The following UTP25 variants were observed in gnomAD, a reference collection of about 807,000 sequenced individuals.
The protein encoded by UTP25 is UTP25 small subunit processome component.
A neutral mutation model predicts 78.9 loss-of-function variants in UTP25; 50 were observed. That is an observed-to-expected ratio of 0.63 (90% CI 0.50 to 0.80). The LOEUF (loss-of-function observed/expected upper bound fraction) is 0.80. Among genes scored for constraint, UTP25 ranks in the 30% least tolerant of loss-of-function variants. The probability of loss-of-function intolerance (pLI) is 0.00; values close to 1 mark genes in which losing one functional copy is unlikely to be tolerated. For missense variants in UTP25, 846 were observed against 911.3 expected (o/e 0.93, Z 0.92); for synonymous variants, 329 against 336.5 (o/e 0.98, Z 0.24).
At chr1:209,842,907 A>G (rs2078175750) in intron 10 of UTP25, 2 of 572,408 alleles carry the variant, frequency 3.5e-6, no homozygotes, top group Middle Eastern at 4.7e-4. Flanking sequence ...AGTTAGTAGC[A>G]GGGTTATTAC....
chr1:209,842,190 C>A, intron 8 of UTP25, 75 bp from the exon 9 acceptor site: 1 of 1,465,512 alleles, frequency 6.8e-7, no homozygotes. Context: ...TTGATAGACT[C>A]GGAAAATGTT....
chr1:209,830,065 A>G, intron 1 of UTP25, 43 bp from the exon 2 acceptor site: 6 of 1,565,986 alleles, frequency 3.8e-6, no homozygotes, highest in South Asian at 1.2e-5. Flanking sequence ...CCTAATTTCT[A>G]CATACTAGTA....
chr1:209,828,316 C>A (rs1322011450), intron 1 of UTP25, 146 bp downstream of exon 1: 3 of 649,720 alleles, frequency 4.6e-6, no homozygotes, highest in Non-Finnish European at 7.9e-6. Flanking sequence ...CTGGCGCCAT[C>A]CCGCCGGGAG....
Position 209,843,612 on chromosome 1 carries a change from C to T in UTP25, c.1943C>T (p.Ser648Phe). ...CACATCTGCGAGTACACGCAGAAGT[C>T]TGGTGTCTCCAGGGCCAGACACTTC... ...FTHICEYTQKSGVSRARHFFL... is the reference protein window; with the variant it reads ...FTHICEYTQKFGVSRARHFFL... The change falls in exon 11 of 12, where the codon TCT (serine) becomes TTT (phenylalanine). Residue 648 changes from serine (S) to phenylalanine (F), a missense_variant. By Grantham distance (155) the Ser-to-Phe change is radical. Transcript: ENST00000491415. 2.5e-6 allele frequency: 4 copies of T among 1,614,130 alleles called. No homozygotes were observed. The highest frequency in any genetic ancestry group is 3.4e-6 in the Non-Finnish European group (4 of 1,179,988).
Position 209,857,290 on chromosome 1 carries a change from C to A in UTP25, c.*5843C>A, listed in dbSNP as rs976644928. The A allele has an allele frequency of 1.3e-5, 2 of 152,030 alleles. No homozygotes were observed. The highest frequency in any genetic ancestry group is 2.9e-5 in the Non-Finnish European group (2 of 68,002). 9.4% of individuals were successfully genotyped at this position (152,030 alleles called of 1,614,324 possible). ...CTATTGGAATACATCTACCATGTCTCCTATGAAACTTGCTTCTCCAGGCCA... is the reference window on the plus strand; with the variant it reads ...CTATTGGAATACATCTACCATGTCTACTATGAAACTTGCTTCTCCAGGCCA... On this transcript the variant is annotated 3_prime_UTR_variant, in exon 12 of 12. Coordinates refer to ENST00000491415, the MANE Select transcript of UTP25 (RefSeq NM_014388.7).
rs766131499 is a variant in UTP25 at position 209,856,516 on chromosome 1, G to T, written c.*5069G>T. 2.6e-5 allele frequency: 4 copies of T among 152,250 alleles called. No homozygotes were observed. The highest frequency in any genetic ancestry group is 5.9e-5 in the Non-Finnish European group (4 of 68,052). The allele number at this position is 152,250 out of a possible 1,614,324, so 9.4% of individuals were successfully genotyped here. Reference sequence around the variant, plus strand: ...TGTACGTAGGAGAGTGGTGAAGAAAGGAGCTTGGTTCTGCAAGGATGTTGT... The same window carrying T: ...TGTACGTAGGAGAGTGGTGAAGAAATGAGCTTGGTTCTGCAAGGATGTTGT... On this transcript the variant is annotated 3_prime_UTR_variant, in exon 12 of 12. Transcript: ENST00000491415.
At position 209,855,354 on chromosome 1, in the gene UTP25, G is replaced by A. The variant is rs561757753; in HGVS notation, c.*3907G>A. 1 of 152,300 alleles carries A rather than the reference G, an allele frequency of 6.6e-6. No individual in the cohort carries two copies. The highest frequency in any genetic ancestry group is 2.1e-4 in the South Asian group (1 of 4,820). The allele number at this position is 152,300 out of a possible 1,614,324, so 9.4% of individuals were successfully genotyped here. On this transcript the variant is annotated 3_prime_UTR_variant, in exon 12 of 12. Coordinates refer to ENST00000491415, the MANE Select transcript of UTP25 (RefSeq NM_014388.7). The stretch of plus-strand genomic sequence containing the variant: ...GTTGCCGCCTCCACTTGCATTACAT[G>A]TATTTCAGAGTAGGTCCTAGGCTCC...
At chr1:209,836,463 T>C (rs1157376150) in intron 5 of UTP25, among the ~76,000 whole-genome samples, 2 of 152,220 alleles carry the variant, frequency 1.3e-5, no homozygotes, top group Non-Finnish European at 2.9e-5. Flanking sequence ...AACCCCTTTG[T>C]TTCTAGAATG....
At chr1:209,831,115 T>C in intron 3 of UTP25, 72 bp downstream of exon 3, 1 of 1,488,212 alleles carries the variant, frequency 6.7e-7, no homozygotes, top group Non-Finnish European at 9.2e-7. Flanking sequence ...GCATGGTACC[T>C]TATATACTGT....
chr1:209,847,103 G>A (rs1370856411), intron 11 of UTP25, among the ~76,000 whole-genome samples: 1 of 149,254 alleles, frequency 6.7e-6, no homozygotes, highest in South Asian at 2.1e-4. Context: ...TTTTTCCTTT[G>A]TCTTAGATGT....
At chr1:209,838,670 A>G in intron 6 of UTP25, 1 of 555,444 alleles carries the variant, frequency 1.8e-6, no homozygotes, top group African/African-American at 1.9e-5. Context: ...TCTGCTTGAG[A>G]AATGTCTCAC....
chr1:209,839,222 C>G, intron 7 of UTP25, 94 bp downstream of exon 7: 1 of 1,120,430 alleles, frequency 8.9e-7, no homozygotes, highest in Non-Finnish European at 1.3e-6. Context: ...CAGTGGATCA[C>G]TCACTGTGCC....
At chr1:209,841,837 G>A (rs898815435) in intron 8 of UTP25, among the ~76,000 whole-genome samples, 2 of 152,124 alleles carry the variant, frequency 1.3e-5, no homozygotes, top group African/African-American at 4.8e-5. Context: ...TGGCATAGTC[G>A]AGTTATATTC....
In UTP25 at chr1:209,837,107, A is replaced by C; in HGVS notation, c.958A>C (p.Lys320Gln). ...CCTGCATGTGATAAATCACATCCTC[A>C]AAGCCAATGCCCAGGTGCTTGGCAA... ...YCLHVINHIL[K>Q]ANAQVLGNNS... Residue 320 changes from lysine to glutamine, a missense_variant, in exon 6 of 12, where the codon AAA becomes CAA. Lys to Gln is a moderately conservative substitution (Grantham distance 53). Coordinates refer to ENST00000491415, the MANE Select transcript of UTP25 (RefSeq NM_014388.7). 6.2e-7 allele frequency: 1 copy of C among 1,614,178 alleles called. No homozygotes were observed. Among genetic ancestry groups the C allele is most frequent in the South Asian group, 1.1e-5 (1 of 91,078 alleles).
chr1:209,846,302 T>G lies in UTP25; in HGVS notation c.2027+2606T>G, dbSNP rs568908524. Among the ~76,000 whole-genome samples the G allele has an allele frequency of 2.6e-5, 4 of 152,340 alleles. No homozygotes were observed. In the East Asian group the frequency reaches 7.7e-4, roughly 29 times the overall value. On this transcript the variant is annotated intron_variant, in intron 11 of 11. Transcript: ENST00000491415. ...AAGATTTGTTTTATGTGGGGAAGAT[T>G]AAACTAGCAGAATCTTAGAATTGGA...
rs1309270570 is a variant in UTP25, at chr1:209,854,905, T to C, written c.*3458T>C. ...TCCCTCCGTCTAGCCATCCTCTCCT[T>C]CCAGTCCCTTTCCCATCTTTTCTCT... On this transcript the variant is annotated 3_prime_UTR_variant, in exon 12 of 12. Transcript: ENST00000491415. The C allele has an allele frequency of 6.6e-6, 1 of 152,202 alleles. No individual in the cohort carries two copies. The highest frequency in any genetic ancestry group is 2.4e-5 in the African/African-American group (1 of 41,440). 9.4% of individuals were successfully genotyped at this position (152,202 alleles called of 1,614,324 possible).
At chr1:209,840,085 C>T (rs1347551592) in intron 7 of UTP25, among the ~76,000 whole-genome samples, 1 of 152,000 alleles carries the variant, frequency 6.6e-6, no homozygotes, top group Non-Finnish European at 1.5e-5. Context: ...ACACAGGCTT[C>T]GGTATGGTGG....
rs747726754 is a variant in UTP25, at chr1:209,839,008, A to G, written c.1162A>G (p.Asn388Asp). 6.2e-7 allele frequency: 1 copy of G among 1,614,138 alleles called. No homozygotes were observed. The highest frequency in any genetic ancestry group is 1.7e-5 in the Admixed American group (1 of 60,018). The change falls in exon 7 of 12, where the codon AAC becomes GAC. Residue 388 changes from asparagine to aspartate, a missense_variant. Physicochemically the swap from Asn to Asp is conservative, Grantham distance 23. Transcript: ENST00000491415. ...GDSKKKIIVS[N>D]KKRFQGEYGS... is the part of the protein sequence containing the mutation. ...CAGCAAGAAGAAAATCATTGTGAGCAACAAAAAGAGGTTTCAGGGAGAATA... is the reference window on the plus strand; with the variant it reads ...CAGCAAGAAGAAAATCATTGTGAGCGACAAAAAGAGGTTTCAGGGAGAATA...
At chr1:209,849,868 T>G (rs561969472) in intron 11 of UTP25, among the ~76,000 whole-genome samples, 37 of 152,282 alleles carry the variant, frequency 2.4e-4, no homozygotes, top group Admixed American at 2.4e-3. Flanking sequence ...TGTGTCCCGT[T>G]TTTCCTCAGA....
Sources: gnomAD v4.1 joint callset for allele counts (sites outside exome capture counted in the v4.1 genomes callset) on GRCh38, gnomAD v4.1.1 for gene constraint, MANE v1.5 for transcripts, NCBI Gene and HGNC (gene_info 2026-07-23, HGNC 2026-07-21) for gene names.